STON1: variants seen among roughly 807,000 people sequenced by gnomAD.
STON1 encodes the protein stonin-1.
A neutral mutation model predicts 60.9 loss-of-function variants in STON1; 79 were observed. That is an observed-to-expected ratio of 1.30 (90% CI 1.08 to 1.56). The LOEUF (loss-of-function observed/expected upper bound fraction) is 1.56. Among genes scored for constraint, STON1 ranks in the 40% most tolerant of loss-of-function variants. STON1 has a pLI of 0.00. For synonymous variants in STON1, 363 were observed against 306.9 expected (o/e 1.18, Z -1.91); for missense variants, 1,166 against 858.9 (o/e 1.36, Z -4.47).
At chr2:48,559,470 A>G (rs78182981) in intron 1 of STON1, among the ~76,000 whole-genome samples, 7,815 of 152,246 alleles carry the variant, frequency 0.051, 282 homozygotes, top group Non-Finnish European at 0.077. Flanking sequence ...AATTCTGTTC[A>G]TAAGGTCAGA....
In STON1 at chr2:48,581,672, G is replaced by A; in HGVS notation, c.1039G>A (p.Val347Met). ...CAGTGTAGCAGGAAAAATCCACACT[G>A]TGAAGATTGAACATGTGTCTTACAC... ...NFSVAGKIHT[V>M]KIEHVSYTEK... Residue 347 changes from valine (V) to methionine (M), a missense_variant, in exon 2 of 4, where the codon GTG (valine) becomes ATG (methionine). Coordinates refer to ENST00000404752, the MANE Select transcript of STON1 (RefSeq NM_006873.4). 1 of 1,613,536 alleles carries A rather than the reference G, an allele frequency of 6.2e-7. No homozygotes were observed. Among genetic ancestry groups the A allele is most frequent in the Middle Eastern group, 1.7e-4 (1 of 6,052 alleles).
intron 1 of STON1, among the ~76,000 whole-genome samples, chr2:48,565,412 A>T (rs1672899076): frequency 6.6e-6 from 1 of 151,238 alleles, no homozygotes; most frequent in Non-Finnish European, 1.5e-5. Context: ...TGACCTCATT[A>T]CCTTCTAATG....
chr2:48,581,468 A>G lies in STON1; in HGVS notation c.835A>G (p.Met279Val), dbSNP rs1214849728. The G allele has an allele frequency of 6.2e-7, 1 of 1,614,226 alleles. No individual in the cohort carries two copies. Among genetic ancestry groups the G allele is most frequent in the Non-Finnish European group, 8.5e-7 (1 of 1,180,040 alleles). ...TCAGCCAAAATCCGGATGGTCTTTC[A>G]TGCTGAGAATTCCTGAGAAGAAGAA... is the stretch of plus-strand genomic sequence containing the variant. ...RSQPKSGWSF[M>V]LRIPEKKNMM... Residue 279 changes from methionine to valine, a missense_variant, in exon 2 of 4, where the codon ATG (methionine) becomes GTG (valine). Met to Val is a conservative substitution (Grantham distance 21). Coordinates refer to ENST00000404752, the MANE Select transcript of STON1 (RefSeq NM_006873.4).
chr2:48,584,210 A>T (rs889925526), intron 2 of STON1, among the ~76,000 whole-genome samples: 1 of 152,048 alleles, frequency 6.6e-6, no homozygotes, highest in Non-Finnish European at 1.5e-5. Context: ...CAGGCTGTGG[A>T]CTTCAGAGGA....
At chr2:48,540,354 T>A (rs887801215) in intron 1 of STON1, among the ~76,000 whole-genome samples, 4 of 152,166 alleles carry the variant, frequency 2.6e-5, no homozygotes, top group Admixed American at 6.5e-5. Flanking sequence ...CCTTCTGCCC[T>A]CCTTTCACTT....
At chr2:48,566,594 A>T (rs1001726551) in intron 1 of STON1, among the ~76,000 whole-genome samples, 1 of 152,160 alleles carries the variant, frequency 6.6e-6, no homozygotes, top group Non-Finnish European at 1.5e-5. Flanking sequence ...GTGACTGGGC[A>T]TTTTAAAGGG....
rs1674780095 is a variant in STON1, at chr2:48,596,319, A to G, written c.*1017A>G. 1 of 152,190 alleles carries G rather than the reference A, an allele frequency of 6.6e-6. No homozygotes were observed. Among genetic ancestry groups the G allele is most frequent in the Non-Finnish European group, 1.5e-5 (1 of 68,014 alleles). 9.4% of individuals were successfully genotyped at this position (152,190 alleles called of 1,614,324 possible). On this transcript the variant is annotated 3_prime_UTR_variant, in exon 4 of 4. Coordinates refer to ENST00000404752, the MANE Select transcript of STON1 (RefSeq NM_006873.4). ...GAAAGATACTTGGTATTTTACCCAGATTTCTAAGTGGCAACATTTTTATTC... is the reference window on the plus strand; with the variant it reads ...GAAAGATACTTGGTATTTTACCCAGGTTTCTAAGTGGCAACATTTTTATTC...
intron 1 of STON1, among the ~76,000 whole-genome samples, chr2:48,563,808 C>T (rs1672710995): frequency 6.6e-6 from 1 of 152,096 alleles, no homozygotes; most frequent in South Asian, 2.1e-4. Context: ...GTTCTCTCAC[C>T]TCGGCCTCCT....
Position 48,581,303 on chromosome 2 carries a change from T to C in STON1, c.670T>C (p.Cys224Arg). 6.6e-7 allele frequency: 1 copy of C among 1,524,550 alleles called. No homozygotes were observed. Among genetic ancestry groups the C allele is most frequent in the South Asian group, 1.3e-5 (1 of 75,004 alleles). 94.4% of individuals were successfully genotyped at this position (1,524,550 alleles called of 1,614,324 possible). A position where few individuals can be genotyped will look rare whatever the true frequency, so the allele number is the denominator to read the frequency against. Residue 224 changes from cysteine (C) to arginine (R), a missense_variant, in exon 2 of 4, where the codon TGT becomes CGT. Physicochemically the swap from Cys to Arg is radical, Grantham distance 180 (BLOSUM62 -3). Transcript: ENST00000404752. Reference sequence around the variant, plus strand: ...TATTGACCAAAAAAGCCTAAATAAGTGTTCACTCAACTATATCTGTGAGAA... The same window carrying C: ...TATTGACCAAAAAAGCCTAAATAAGCGTTCACTCAACTATATCTGTGAGAA... Reference protein sequence around the residue: ...MPIDQKSLNKCSLNYICEKLE... With the variant: ...MPIDQKSLNKRSLNYICEKLE...
chr2:48,563,588 A>T lies in STON1; in HGVS notation c.-47-16999A>T, dbSNP rs6729860. On this transcript the variant is annotated intron_variant, in intron 1 of 3. Coordinates refer to ENST00000404752, the MANE Select transcript of STON1 (RefSeq NM_006873.4). ...AAAAGGCCGAGGTGTCCAGAGGTAA[A>T]GGTGGACTGTGTGTTCCCTAGTCTC... Among the ~76,000 whole-genome samples the T allele has an allele frequency of 3.3e-5, 5 of 152,024 alleles. No homozygotes were observed. The South Asian group carries it at 8.3e-4, about 25-fold the overall frequency.
chr2:48,558,020 C>T (rs1003074001), intron 1 of STON1, among the ~76,000 whole-genome samples: 4 of 152,076 alleles, frequency 2.6e-5, no homozygotes, highest in African/African-American at 4.8e-5. Flanking sequence ...GTCGGGAGTT[C>T]GAGACCAGCA....
At chr2:48,566,491 C>A (rs1672950544) in intron 1 of STON1, among the ~76,000 whole-genome samples, 1 of 151,458 alleles carries the variant, frequency 6.6e-6, no homozygotes, top group South Asian at 2.1e-4. Context: ...CCATGTTGGT[C>A]AGGCTGGTCT....
rs1674071666 is a variant in STON1 at position 48,584,278 on chromosome 2, A to G, written c.1930+1715A>G. On this transcript the variant is annotated intron_variant, in intron 2 of 3. Transcript: ENST00000404752. Reference sequence around the variant, plus strand: ...GTTTCTCAAACCTGGCTATATTATTATTATTATTATTTTGAGATGGAGTCT... The same window carrying G: ...GTTTCTCAAACCTGGCTATATTATTGTTATTATTATTTTGAGATGGAGTCT... Among the ~76,000 whole-genome samples, 4 of 151,344 alleles carry G rather than the reference A, an allele frequency of 2.6e-5. No homozygotes were observed. The South Asian group carries it at 8.4e-4, about 32-fold the overall frequency.
At position 48,595,468 on chromosome 2, in the gene STON1, A is replaced by AT. The variant is rs1459647449; in HGVS notation, c.*172dup. ...TTAGACCTAAAACCGAACAATCTGT[A>AT]TTTTTTGCTTTTCATGTGTTTTTGT... On this transcript the variant is annotated 3_prime_UTR_variant, in exon 4 of 4. Transcript: ENST00000404752. The AT allele has an allele frequency of 5.1e-6, 3 of 589,666 alleles. No individual in the cohort carries two copies. Among genetic ancestry groups the AT allele is most frequent in the South Asian group, 4.6e-5 (2 of 43,160 alleles). The allele number at this position is 589,666 out of a possible 1,614,324, so 36.5% of individuals were successfully genotyped here.
chr2:48,551,760 C>G (rs1672116761), intron 1 of STON1, among the ~76,000 whole-genome samples: 1 of 152,226 alleles, frequency 6.6e-6, no homozygotes, highest in African/African-American at 2.4e-5. Flanking sequence ...GTACATTTAC[C>G]AAACATTGAT....
chr2:48,554,663 A>G (rs1330525335), intron 1 of STON1, among the ~76,000 whole-genome samples: 1 of 151,890 alleles, frequency 6.6e-6, no homozygotes, highest in Non-Finnish European at 1.5e-5. Context: ...ACATCCAGTC[A>G]TTGGCTCCCA....
rs77320315 is a variant in STON1 at position 48,559,896 on chromosome 2, T to C, written c.-47-20691T>C. Among the ~76,000 whole-genome samples the C allele has an allele frequency of 7.4e-3, 1,126 of 152,244 alleles. 15 individuals carry two copies. Among genetic ancestry groups the C allele is most frequent in the African/African-American group, 0.026 (1,098 of 41,550 alleles). On this transcript the variant is annotated intron_variant, in intron 1 of 3. Transcript: ENST00000404752. ...TTCCCCAAGGCCCAGCATCCAATGG[T>C]AGAGATCCTGGGTGACTCTCTGTAG...
chr2:48,593,160 G>A (rs1443664010), intron 3 of STON1, among the ~76,000 whole-genome samples: 1 of 152,090 alleles, frequency 6.6e-6, no homozygotes, highest in East Asian at 1.9e-4. Flanking sequence ...CTGTTGCCCA[G>A]GTTGGAGTGC....
intron 1 of STON1, among the ~76,000 whole-genome samples, chr2:48,565,954 C>G (rs1285594487): frequency 6.6e-6 from 1 of 152,088 alleles, no homozygotes; most frequent in Non-Finnish European, 1.5e-5. Flanking sequence ...AATCCGAATA[C>G]CCACCCAACT....
Sources: allele counts gnomAD v4.1 joint callset (sites outside exome capture counted in the v4.1 genomes callset), GRCh38; gene constraint gnomAD v4.1.1; transcripts MANE v1.5; gene names NCBI Gene and HGNC (gene_info 2026-07-23, HGNC 2026-07-21).